AKAP6: variants seen among roughly 807,000 people sequenced by gnomAD.
AKAP6 encodes the protein A-kinase anchoring protein 6, also known as A-kinase anchor protein 6.
In AKAP6, 58 loss-of-function variants were observed where a neutral mutation model predicts 188.5. That is an observed-to-expected ratio of 0.31 (90% CI 0.25 to 0.38). The LOEUF (loss-of-function observed/expected upper bound fraction) is 0.38. Among genes scored for constraint, AKAP6 ranks in the 10% least tolerant of loss-of-function variants. The pLI is 1.00. For synonymous variants in AKAP6, 989 were observed against 998.6 expected (o/e 0.99, Z 0.18); for missense variants, 2,710 against 2,740.0 (o/e 0.99, Z 0.24).
chr14:32,360,712 A>AGTGTGTGTGT lies in AKAP6; in HGVS notation c.-35+31334_-35+31343dup, dbSNP rs35969035. On this transcript the variant is annotated intron_variant, in intron 1 of 13. Transcript: ENST00000280979. ...CAGATTGTTCCAGTTTTGGCCATTG[A>AGTGTGTGTGT]GTGTGTGTGTGTGTGTGTGTGTGTG... is the stretch of plus-strand genomic sequence containing the variant. Among the ~76,000 whole-genome samples the AGTGTGTGTGT allele has an allele frequency of 6.1e-3, 826 of 136,094 alleles. 5 individuals are homozygous for AGTGTGTGTGT. Among genetic ancestry groups the AGTGTGTGTGT allele is most frequent in the African/African-American group, 7.3e-3 (270 of 36,834 alleles). 89.3% of individuals were successfully genotyped at this position (136,094 alleles called of 152,430 possible).
chr14:32,534,775 G>T (rs1391553127), intron 2 of AKAP6, among the ~76,000 whole-genome samples: 1 of 151,866 alleles, frequency 6.6e-6, no homozygotes, highest in Non-Finnish European at 1.5e-5. Context: ...AGACCAGCCT[G>T]GCCAACCTGG....
At chr14:32,421,405 T>C (rs1889846800) in intron 1 of AKAP6, among the ~76,000 whole-genome samples, 1 of 152,160 alleles carries the variant, frequency 6.6e-6, no homozygotes, top group African/African-American at 2.4e-5. Flanking sequence ...TCCTCAACTT[T>C]ATTTTTAGCT....
At chr14:32,813,394 C>T (rs909924334) in intron 12 of AKAP6, among the ~76,000 whole-genome samples, 2 of 118,006 alleles carry the variant, frequency 1.7e-5, no homozygotes, top group African/African-American at 6.8e-5. Context: ...ACCCTACCCC[C>T]CCCCCCAACC....
At chr14:32,557,217 G>T (rs1883727037) in intron 4 of AKAP6, among the ~76,000 whole-genome samples, 1 of 152,090 alleles carries the variant, frequency 6.6e-6, no homozygotes, top group Non-Finnish European at 1.5e-5. Flanking sequence ...CTACCCAGTA[G>T]CTGGGACTAC....
At chr14:32,776,386 C>T (rs2033063785) in intron 12 of AKAP6, among the ~76,000 whole-genome samples, 1 of 152,178 alleles carries the variant, frequency 6.6e-6, no homozygotes. Flanking sequence ...TTGTCATTCT[C>T]TCTTGTCTGC....
chr14:32,369,340 G>A (rs1398891029), intron 1 of AKAP6, among the ~76,000 whole-genome samples: 2 of 152,232 alleles, frequency 1.3e-5, no homozygotes, highest in African/African-American at 4.8e-5. Flanking sequence ...ACCGGTAACT[G>A]TTAGACAAAG....
intron 9 of AKAP6, chr14:32,718,357 G>A: frequency 1.0e-6 from 1 of 984,656 alleles, no homozygotes. Context: ...AATTTATTTT[G>A]TCAAAATATT....
chr14:32,579,276 C>T lies in AKAP6; in HGVS notation c.2469+2034C>T, dbSNP rs191109212. 2.4e-3 allele frequency among the ~76,000 whole-genome samples: 359 copies of T among 152,162 alleles called. 5 individuals are homozygous for T. Among genetic ancestry groups the T allele is most frequent in the East Asian group, 7.7e-4 (4 of 5,174 alleles). ...TGCTGTGGGCCACCAGTATAAAGAT[C>T]CACAGCAAAGAGTCCTTCTTAAGAT... On this transcript the variant is annotated intron_variant, in intron 5 of 13. Transcript: ENST00000280979.
In AKAP6 at chr14:32,667,403, T is replaced by A. The variant is rs544250439; in HGVS notation, c.2731-10908T>A. On this transcript the variant is annotated intron_variant, in intron 7 of 13. Coordinates refer to ENST00000280979, the MANE Select transcript of AKAP6 (RefSeq NM_004274.5). ...GATTGACAGGAAAAACCAACATGCA[T>A]GCCACCTGAGACATCTTGTTCAGGA... is the stretch of plus-strand genomic sequence containing the variant. 5.9e-5 allele frequency among the ~76,000 whole-genome samples: 9 copies of A among 152,202 alleles called. No individual in the cohort carries two copies. In the South Asian group the frequency reaches 1.9e-3, roughly 32 times the overall value.
intron 3 of AKAP6, among the ~76,000 whole-genome samples, chr14:32,544,143 C>T (rs777248958): frequency 7.2e-5 from 11 of 152,142 alleles, no homozygotes; most frequent in African/African-American, 1.2e-4. Context: ...GGTCCAGCAG[C>T]CACATGGAAT....
intron 7 of AKAP6, among the ~76,000 whole-genome samples, chr14:32,621,819 G>A (rs1475124129): frequency 1.3e-5 from 2 of 151,978 alleles, no homozygotes; most frequent in Admixed American, 6.6e-5. Context: ...ATTTTAAGCA[G>A]GGTTATTTAT....
At chr14:32,618,231 G>GT (rs1034760884) in intron 7 of AKAP6, among the ~76,000 whole-genome samples, 3 of 152,108 alleles carry the variant, frequency 2.0e-5, no homozygotes, top group Admixed American at 2.0e-4. Flanking sequence ...GATACCAGCG[G>GT]TTTTTGTTTA....
intron 4 of AKAP6, among the ~76,000 whole-genome samples, chr14:32,560,682 A>G (rs1197776104): frequency 6.6e-6 from 1 of 152,188 alleles, no homozygotes; most frequent in Non-Finnish European, 1.5e-5. Context: ...AACTCAAAAG[A>G]TGGATAAACT....
At chr14:32,691,342 T>C in intron 8 of AKAP6, among the ~76,000 whole-genome samples, 1 of 152,208 alleles carries the variant, frequency 6.6e-6, no homozygotes, top group East Asian at 1.9e-4. Flanking sequence ...GTTCATGATC[T>C]TCTCTGTTTT....
intron 2 of AKAP6, among the ~76,000 whole-genome samples, chr14:32,520,013 A>C (rs1881735826): frequency 1.3e-5 from 2 of 152,228 alleles, no homozygotes; most frequent in Admixed American, 1.3e-4. Context: ...ACCACAAGGC[A>C]ATCAAATTAG....
intron 11 of AKAP6, among the ~76,000 whole-genome samples, chr14:32,761,378 A>G (rs1284701343): frequency 5.9e-5 from 9 of 152,172 alleles, no homozygotes; most frequent in Non-Finnish European, 1.2e-4. Flanking sequence ...CCTAGCGTTT[A>G]TACTTCAAGT....
intron 9 of AKAP6, among the ~76,000 whole-genome samples, chr14:32,713,426 A>T (rs2030002220): frequency 6.6e-6 from 1 of 151,236 alleles, no homozygotes; most frequent in Non-Finnish European, 1.5e-5. Context: ...CTAGGCATTG[A>T]CTTCTCCTCT....
chr14:32,646,703 A>G (rs1888000076), intron 7 of AKAP6, among the ~76,000 whole-genome samples: 1 of 152,132 alleles, frequency 6.6e-6, no homozygotes, highest in African/African-American at 2.4e-5. Context: ...TTCGGGCTTC[A>G]TATGTCTTTC....
In AKAP6 at chr14:32,551,345, G is replaced by C. The variant is rs111975818; in HGVS notation, c.2346+4346G>C. Among the ~76,000 whole-genome samples the C allele has an allele frequency of 7.3e-3, 1,105 of 152,186 alleles. 18 individuals are homozygous for C. Among genetic ancestry groups the C allele is most frequent in the African/African-American group, 0.024 (977 of 41,548 alleles). ...CCAGCACTTTGGGAGGCTGAGGTGG[G>C]CAGATCACTTGAGGTCAGGAGTTTG... On this transcript the variant is annotated intron_variant, in intron 4 of 13. Coordinates refer to ENST00000280979, the MANE Select transcript of AKAP6 (RefSeq NM_004274.5).
Sources: gnomAD v4.1 joint callset for allele counts (sites outside exome capture counted in the v4.1 genomes callset) on GRCh38, gnomAD v4.1.1 for gene constraint, MANE v1.5 for transcripts, NCBI Gene and HGNC (gene_info 2026-07-23, HGNC 2026-07-21) for gene names.